Variants in USP43 observed in about 807,000 individuals in gnomAD.
USP43 encodes the protein ubiquitin specific peptidase 43, also known as ubiquitin carboxyl-terminal hydrolase 43.
USP43 carries 33 observed loss-of-function variants against 90.7 expected under a neutral mutation model. The observed-to-expected ratio is 0.36, with a 90% CI of 0.28 to 0.49. The LOEUF is 0.49. Among genes scored for constraint, USP43 ranks in the 20% least tolerant of loss-of-function variants. The pLI, the probability that USP43 is intolerant of heterozygous loss-of-function variation, is 0.98. For missense variants in USP43, 1,274 were observed against 1,476.4 expected, an observed-to-expected ratio of 0.86 and a Z score of 2.25; for synonymous variants, 598 against 615.8, an observed-to-expected ratio of 0.97 and a Z score of 0.43.
chr17:9,668,155 T>G (rs759445054), intron 3 of USP43, among the ~76,000 whole-genome samples: 1 of 152,228 alleles, frequency 6.6e-6, no homozygotes, highest in African/African-American at 2.4e-5. Context: ...TTGCACTAAA[T>G]CATTTCGAAG....
intron 1 of USP43, among the ~76,000 whole-genome samples, chr17:9,652,298 C>G (rs1911925003): frequency 6.7e-6 from 1 of 148,932 alleles, no homozygotes; most frequent in African/African-American, 2.5e-5. Flanking sequence ...TCTTCCCAAG[C>G]TAGTTAACTG....
chr17:9,702,467 C>T lies in USP43; in HGVS notation c.2011+767C>T, dbSNP rs546074944. ...ACATTCATTCTCATCTGTGATTCAG[C>T]GTGAGGAATCTTACTTATCGGATTT... On this transcript the variant is annotated intron_variant, in intron 12 of 14. Transcript: ENST00000285199. 3.9e-5 allele frequency among the ~76,000 whole-genome samples: 6 copies of T among 152,252 alleles called. No individual in the cohort carries two copies. The South Asian group carries it at 1.0e-3, about 26-fold the overall frequency.
At chr17:9,695,179 C>T (rs570448837) in intron 9 of USP43, among the ~76,000 whole-genome samples, 136 of 152,100 alleles carry the variant, frequency 8.9e-4, no homozygotes, top group African/African-American at 3.1e-3. Context: ...CAGTCCCAGC[C>T]CTGCTGGTAC....
intron 1 of USP43, among the ~76,000 whole-genome samples, chr17:9,654,703 A>AT (rs201477075): frequency 0.013 from 1,944 of 150,742 alleles, 19 homozygotes; most frequent in Non-Finnish European, 0.023. Context: ...TAAATCTTGC[A>AT]TTTTTGCTTT....
chr17:9,718,892 C>A (rs1478908386), intron 14 of USP43, among the ~76,000 whole-genome samples: 1 of 151,332 alleles, frequency 6.6e-6, no homozygotes, highest in Non-Finnish European at 1.5e-5. Context: ...CATACTATTT[C>A]ATGCAGTATG....
chr17:9,725,789 G>A (rs573373511), intron 14 of USP43, among the ~76,000 whole-genome samples: 1 of 152,282 alleles, frequency 6.6e-6, no homozygotes, highest in African/African-American at 2.4e-5. Context: ...CTCGCCACCT[G>A]CCGGGGCTCC....
intron 1 of USP43, among the ~76,000 whole-genome samples, chr17:9,651,603 A>G (rs1483730557): frequency 6.6e-6 from 1 of 152,200 alleles, no homozygotes; most frequent in Non-Finnish European, 1.5e-5. Flanking sequence ...ATTTATTTAT[A>G]TCAGACATTA....
At chr17:9,653,446 G>A (rs1912013597) in intron 1 of USP43, among the ~76,000 whole-genome samples, 1 of 152,170 alleles carries the variant, frequency 6.6e-6, no homozygotes, top group African/African-American at 2.4e-5. Flanking sequence ...AAATTAGCCA[G>A]GTGTGGTGGC....
chr17:9,722,684 C>T (rs138857455), intron 14 of USP43, among the ~76,000 whole-genome samples: 2 of 152,284 alleles, frequency 1.3e-5, no homozygotes, highest in African/African-American at 4.8e-5. Flanking sequence ...TGTCTTCTCT[C>T]CTTCCTCCAA....
rs147348440 is a variant in USP43 at position 9,677,217 on chromosome 17, C to T, written c.969+336C>T. ...TATTCATGCCTGATTTAATCACAGG[C>T]GTCCTGTGAAGTAGACATTACAATT... On this transcript the variant is annotated intron_variant, in intron 5 of 14. Transcript: ENST00000285199. Among the ~76,000 whole-genome samples, 458 of 152,256 alleles carry T rather than the reference C, an allele frequency of 3.0e-3. 1 individual carries two copies. Among genetic ancestry groups the T allele is most frequent in the South Asian group, 7.5e-3 (36 of 4,824 alleles).
rs980587813 is a variant in USP43, at chr17:9,720,345, G to A, written c.2336-7609G>A. ...TCAAAAAAAAAAAAAAAAAAAGAAA[G>A]AAAGAAAAGAAAAATCCAGCTTTTT... On this transcript the variant is annotated intron_variant, in intron 14 of 14. Transcript: ENST00000285199. Among the ~76,000 whole-genome samples the A allele has an allele frequency of 1.2e-4, 16 of 134,744 alleles. No homozygotes were observed. In the Middle Eastern group the frequency reaches 0.012, roughly 102 times the overall value. The allele number at this position is 134,744 out of a possible 152,430, so 88.4% of individuals were successfully genotyped here. A position where few individuals can be genotyped will look rare whatever the true frequency, so the allele number is the denominator to read the frequency against.
At chr17:9,677,589 A>T (rs915402975) in intron 5 of USP43, among the ~76,000 whole-genome samples, 3 of 152,176 alleles carry the variant, frequency 2.0e-5, no homozygotes, top group African/African-American at 7.2e-5. Context: ...AATAGGGAGG[A>T]GGCCGTGGTG....
At chr17:9,683,859 A>T (rs1307587478) in intron 7 of USP43, among the ~76,000 whole-genome samples, 1 of 152,160 alleles carries the variant, frequency 6.6e-6, no homozygotes, top group Non-Finnish European at 1.5e-5. Flanking sequence ...TTGACTAGAG[A>T]GGTAACTAGA....
At chr17:9,665,446 G>C (rs932298916) in intron 2 of USP43, among the ~76,000 whole-genome samples, 6 of 152,152 alleles carry the variant, frequency 3.9e-5, no homozygotes, top group Non-Finnish European at 7.3e-5. Context: ...TCAGGAGAGA[G>C]AGGAGTGAGC....
intron 14 of USP43, among the ~76,000 whole-genome samples, chr17:9,726,009 G>A (rs1458582560): frequency 6.6e-6 from 1 of 152,140 alleles, no homozygotes; most frequent in Non-Finnish European, 1.5e-5. Context: ...AGTATTTTGG[G>A]TAAAATTGTG....
intron 2 of USP43, among the ~76,000 whole-genome samples, chr17:9,665,611 G>A (rs919739510): frequency 3.0e-4 from 45 of 152,308 alleles, no homozygotes; most frequent in Non-Finnish European, 8.8e-5. Context: ...TACAATTGAA[G>A]ATGAGATTTG....
At chr17:9,667,841 G>A (rs533200358) in intron 3 of USP43, among the ~76,000 whole-genome samples, 2 of 152,274 alleles carry the variant, frequency 1.3e-5, no homozygotes, top group South Asian at 2.1e-4. Flanking sequence ...ATATAATCAT[G>A]CGTTTATATG....
At chr17:9,704,723 A>G (rs534012869) in intron 12 of USP43, among the ~76,000 whole-genome samples, 1 of 152,030 alleles carries the variant, frequency 6.6e-6, no homozygotes, top group Non-Finnish European at 1.5e-5. Context: ...CTGGGGCTGT[A>G]GCTGGTGGGT....
intron 2 of USP43, among the ~76,000 whole-genome samples, chr17:9,660,769 G>A (rs1025162098): frequency 2.6e-5 from 4 of 152,174 alleles, no homozygotes; most frequent in Non-Finnish European, 5.9e-5. Flanking sequence ...AAGACCAGGG[G>A]GTGGCTATTG....
Sources: allele counts gnomAD v4.1 joint callset (sites outside exome capture counted in the v4.1 genomes callset), GRCh38; gene constraint gnomAD v4.1.1; transcripts MANE v1.5; gene names NCBI Gene and HGNC (gene_info 2026-07-23, HGNC 2026-07-21).